ABCC2: variants seen among roughly 807,000 people sequenced by gnomAD.
ABCC2 encodes the protein ATP-binding cassette sub-family C member 2.
In ABCC2, 157 loss-of-function variants were observed where a neutral mutation model predicts 173.4. The ratio of observed to expected loss-of-function variants is 0.91; its 90% CI spans 0.80 to 1.03. The LOEUF (loss-of-function observed/expected upper bound fraction) is 1.03, where lower values mean the gene tolerates loss of function less well. Ranked by LOEUF, ABCC2 falls within the 50% of genes least tolerant of loss-of-function variation. The pLI is 0.00. For synonymous variants in ABCC2, 657 were observed against 693.5 expected, an observed-to-expected ratio of 0.95 and a Z score of 0.83; for missense variants, 1,822 against 1,852.3, an observed-to-expected ratio of 0.98 and a Z score of 0.30.
rs1178410954 is a variant in ABCC2, at chr10:99,814,153, G to GTA, written c.2094+1012_2094+1013dup. 7.1e-4 allele frequency among the ~76,000 whole-genome samples: 20 copies of GTA among 28,214 alleles called. 3 individuals are homozygous for GTA. The highest frequency in any genetic ancestry group is 1.4e-3 in the African/African-American group (9 of 6,640). The allele number at this position is 28,214 out of a possible 152,430, so 18.5% of individuals were successfully genotyped here. On this transcript the variant is annotated intron_variant, in intron 16 of 31. Transcript: ENST00000647814. ...TGTGTGTATATATACACACATGTAT[G>GTA]TATACACACGTATATATACACACAT...
rs886824193 is a variant in ABCC2 at position 99,852,543 on chromosome 10, G to A, written c.*912G>A. Among the ~76,000 whole-genome samples, 1 of 152,252 alleles carries A rather than the reference G, an allele frequency of 6.6e-6. No individual in the cohort carries two copies. The highest frequency in any genetic ancestry group is 1.5e-5 in the Non-Finnish European group (1 of 68,018). ...GGTATTTTATTTCCTTGTATGTCTT[G>A]TGAATTTTTATTATAAGCTCGTTCT... On this transcript the variant is annotated 3_prime_UTR_variant, in exon 32 of 32. Transcript: ENST00000647814.
intron 13 of ABCC2, among the ~76,000 whole-genome samples, chr10:99,808,780 G>A (rs1378611302): frequency 2.6e-5 from 4 of 152,182 alleles, no homozygotes; most frequent in Admixed American, 2.6e-4. Context: ...TACCAGATCT[G>A]CAGAGGAAGG....
intron 23 of ABCC2, 66 bp from the exon 24 acceptor site, chr10:99,834,314 T>G: frequency 6.6e-7 from 1 of 1,516,482 alleles, no homozygotes; most frequent in South Asian, 1.1e-5. Context: ...TTGCTAGAAC[T>G]AGGAAGATGT....
intron 19 of ABCC2, among the ~76,000 whole-genome samples, chr10:99,821,033 C>T (rs984638133): frequency 2.0e-5 from 3 of 152,136 alleles, no homozygotes; most frequent in Non-Finnish European, 2.9e-5. Context: ...GTCAGGGTCA[C>T]AAGACAATTG....
chr10:99,821,864 C>T (rs2038544832), intron 19 of ABCC2, among the ~76,000 whole-genome samples: 1 of 152,038 alleles, frequency 6.6e-6, no homozygotes, highest in Admixed American at 6.6e-5. Flanking sequence ...GTCGCTGTCT[C>T]TTCGGAGCTG....
chr10:99,833,519 G>C (rs1226086872), intron 23 of ABCC2, among the ~76,000 whole-genome samples: 2 of 152,182 alleles, frequency 1.3e-5, no homozygotes, highest in African/African-American at 2.4e-5. Context: ...TGAGTTAAGA[G>C]GAGATGGAGT....
intron 19 of ABCC2, among the ~76,000 whole-genome samples, chr10:99,822,175 G>T (rs978057377): frequency 1.3e-5 from 2 of 152,152 alleles, no homozygotes; most frequent in Non-Finnish European, 2.9e-5. Context: ...GGCCCAGTAG[G>T]TATAGTTAGC....
At chr10:99,811,259 A>G (rs2038207691) in intron 14 of ABCC2, among the ~76,000 whole-genome samples, 1 of 151,906 alleles carries the variant, frequency 6.6e-6, no homozygotes, top group African/African-American at 2.4e-5. Flanking sequence ...GAGCCCGGAA[A>G]GTCAAGGCGG....
At chr10:99,798,233 G>GGCCA (rs1373529024) in intron 7 of ABCC2, 1 of 152,240 alleles carries the variant, frequency 6.6e-6, no homozygotes, top group Non-Finnish European at 1.5e-5. Flanking sequence ...CTAGAAGGGA[G>GGCCA]GCCAGGGCAG....
rs527404851 is a variant in ABCC2, at chr10:99,831,895, G to A, written c.3103+65G>A. ...GACCCTGTACTTTTCCTGGACTCAG[G>A]AATGCATTTGCCATTATGTCCTGGG... On this transcript the variant is annotated intron_variant, in intron 22 of 31. Coordinates refer to ENST00000647814, the MANE Select transcript of ABCC2 (RefSeq NM_000392.5). 41 of 1,613,078 alleles carry A rather than the reference G, an allele frequency of 2.5e-5. No homozygotes were observed. The African/African-American group carries it at 2.7e-4, about 10-fold the overall frequency.
In ABCC2 at chr10:99,830,841, A is replaced by G; in HGVS notation, c.2873A>G (p.Glu958Gly). Residue 958 changes from glutamate to glycine, a missense_variant, in exon 21 of 32, where the codon GAA becomes GGA. Glu to Gly is a moderately conservative substitution (Grantham distance 98, BLOSUM62 -2). Coordinates refer to ENST00000647814, the MANE Select transcript of ABCC2 (RefSeq NM_000392.5). ...AAACTAATTAAGAAGGAATTCATAG[A>G]AACTGGAAAGGTGAACACCACACAG... ...GQKLIKKEFI[E>G]TGKVKFSIYL... is the part of the protein sequence containing the mutation. 1.2e-6 allele frequency: 2 copies of G among 1,613,952 alleles called. No homozygotes were observed. The highest frequency in any genetic ancestry group is 8.5e-7 in the Non-Finnish European group (1 of 1,179,976).
intron 30 of ABCC2, among the ~76,000 whole-genome samples, chr10:99,848,026 G>T (rs2039042740): frequency 6.6e-6 from 1 of 152,198 alleles, no homozygotes; most frequent in Non-Finnish European, 1.5e-5. Flanking sequence ...GCTCCCAGCT[G>T]TGCACAATCA....
rs777987916 is a variant in ABCC2 at position 99,792,380 on chromosome 10, GC to G, written c.333+24del. ...CATGGGTAAGACCTATACCACTTCT[GC>G]CCTGTTTACCTTTTCATTACCCATA... On this transcript the variant is annotated intron_variant, in intron 3 of 31. Coordinates refer to ENST00000647814, the MANE Select transcript of ABCC2 (RefSeq NM_000392.5). 166 of 1,613,314 alleles carry G rather than the reference GC, an allele frequency of 1.0e-4. 1 individual carries two copies. The African/African-American group carries it at 1.7e-3, about 16-fold the overall frequency.
intron 7 of ABCC2, among the ~76,000 whole-genome samples, chr10:99,798,910 C>T (rs2037965361): frequency 6.6e-6 from 1 of 152,158 alleles, no homozygotes; most frequent in Non-Finnish European, 1.5e-5. Flanking sequence ...ATGCCCAGGC[C>T]CTTCACTCTC....
At position 99,851,687 on chromosome 10, in the gene ABCC2, A is replaced by AT. The variant is rs1564704303; in HGVS notation, c.*62dup. 1 of 1,485,910 alleles carries AT rather than the reference A, an allele frequency of 6.7e-7. No individual in the cohort carries two copies. The highest frequency in any genetic ancestry group is 9.2e-7 in the Non-Finnish European group (1 of 1,091,240). The allele number at this position is 1,485,910 out of a possible 1,614,324, so 92.0% of individuals were successfully genotyped here. On this transcript the variant is annotated 3_prime_UTR_variant, in exon 32 of 32. Transcript: ENST00000647814. Reference sequence around the variant, plus strand: ...TAAGAATAATTTCTTATTTAATTTTATTTTTTATAAAATACAGAATACATA... The same window carrying AT: ...TAAGAATAATTTCTTATTTAATTTTATTTTTTTATAAAATACAGAATACATA...
intron 22 of ABCC2, 31 bp from the exon 23 acceptor site, chr10:99,831,946 A>C: frequency 6.2e-7 from 1 of 1,614,182 alleles, no homozygotes; most frequent in Non-Finnish European, 8.5e-7. Flanking sequence ...ATTCCTGTGC[A>C]TGGTGCTGAC....
At chr10:99,845,444 G>C (rs1398722297) in intron 28 of ABCC2, among the ~76,000 whole-genome samples, 180 bp from the exon 29 acceptor site, 1 of 152,052 alleles carries the variant, frequency 6.6e-6, no homozygotes, top group East Asian at 1.9e-4. Flanking sequence ...ATGATTTTTG[G>C]CATCTTTTTC....
intron 28 of ABCC2, among the ~76,000 whole-genome samples, chr10:99,845,104 A>G (rs2038998694): frequency 6.6e-6 from 1 of 152,094 alleles, no homozygotes; most frequent in South Asian, 2.1e-4. Flanking sequence ...ATCTTGGCTC[A>G]CTGCAACCTC....
chr10:99,814,548 T>C (rs1323203649), intron 16 of ABCC2, among the ~76,000 whole-genome samples: 5 of 114,428 alleles, frequency 4.4e-5, no homozygotes, highest in Non-Finnish European at 5.8e-5. Flanking sequence ...TACACACACA[T>C]ATGTGTATAT....
Sources: allele counts gnomAD v4.1 joint callset (sites outside exome capture counted in the v4.1 genomes callset), GRCh38; gene constraint gnomAD v4.1.1; transcripts MANE v1.5; gene names NCBI Gene and HGNC (gene_info 2026-07-23, HGNC 2026-07-21).